TECTA: variants seen among roughly 807,000 people sequenced by gnomAD.
TECTA encodes tectorin alpha.
Under a neutral mutation model 216.8 loss-of-function variants are expected in TECTA, and 128 were observed. The ratio of observed to expected loss-of-function variants is 0.59; its 90% confidence interval spans 0.51 to 0.68. The LOEUF is 0.68. Among genes scored for constraint, TECTA ranks in the 30% least tolerant of loss-of-function variants. The pLI is 0.00. For missense variants in TECTA, 2,551 were observed against 2,786.2 expected, an observed-to-expected ratio of 0.92 and a Z score of 1.90; for synonymous variants, 1,089 against 1,117.1, an observed-to-expected ratio of 0.97 and a Z score of 0.50.
Position 121,188,110 on chromosome 11 carries a change from G to A in TECTA, c.6162+116G>A, listed in dbSNP as rs1355838488. On this transcript the variant is annotated intron_variant, in intron 21 of 23. Transcript: ENST00000392793. Reference sequence around the variant, plus strand: ...CTGGAATCATCCATAGATGCTTGGGGTGGACAGTCATCTTTGATGGGACAG... The same window carrying A: ...CTGGAATCATCCATAGATGCTTGGGATGGACAGTCATCTTTGATGGGACAG... The A allele has an allele frequency of 4.5e-6, 5 of 1,101,962 alleles. No homozygotes were observed. The African/African-American group carries it at 6.2e-5, about 14-fold the overall frequency. The allele number at this position is 1,101,962 out of a possible 1,614,324, so 68.3% of individuals were successfully genotyped here.
intron 18 of TECTA, among the ~76,000 whole-genome samples, chr11:121,167,243 C>T (rs998679350): frequency 5.3e-5 from 8 of 152,192 alleles, no homozygotes; most frequent in Middle Eastern, 3.2e-3. Flanking sequence ...CCGGCCCAGG[C>T]AACATCGCAA....
intron 20 of TECTA, among the ~76,000 whole-genome samples, chr11:121,183,837 G>C (rs561266310): frequency 1.3e-5 from 2 of 152,342 alleles, no homozygotes; most frequent in African/African-American, 2.4e-5. Context: ...GCCCAGGCTA[G>C]AGTGTGGTTG....
At chr11:121,126,163 A>C (rs1946610386) in intron 8 of TECTA, among the ~76,000 whole-genome samples, 1 of 152,172 alleles carries the variant, frequency 6.6e-6, no homozygotes, top group Admixed American at 6.5e-5. Flanking sequence ...TTGAGTGAGG[A>C]GGTGGGTTGT....
chr11:121,133,030 C>T (rs531591565), intron 10 of TECTA, among the ~76,000 whole-genome samples: 1 of 152,298 alleles, frequency 6.6e-6, no homozygotes, highest in South Asian at 2.1e-4. Flanking sequence ...CCACGCCCGG[C>T]CAGTTTTCCA....
rs775090525 is a variant in TECTA at position 121,166,588 on chromosome 11, C to T, written c.5394C>T (p.Asp1798=). The T allele has an allele frequency of 1.4e-5, 22 of 1,614,024 alleles. 1 individual carries two copies. The Admixed American group carries it at 3.3e-4, about 24-fold the overall frequency. ...EPPPYGNNSH[D]IIDAEVTCKA... Reference sequence around the variant, plus strand: ...TAACTGTTCCCACAGACTCACATGACATTATCGATGCAGAGGTGACCTGCA... The same window carrying T: ...TAACTGTTCCCACAGACTCACATGATATTATCGATGCAGAGGTGACCTGCA... The change falls in exon 18 of 24, where the codon GAC becomes GAT. Residue 1798 remains aspartate, a synonymous_variant. Coordinates refer to ENST00000392793, the MANE Select transcript of TECTA (RefSeq NM_005422.4).
chr11:121,145,951 T>A lies in TECTA; in HGVS notation c.3940T>A (p.Cys1314Ser), dbSNP rs767018367. The A allele has an allele frequency of 6.2e-6, 10 of 1,614,258 alleles. No homozygotes were observed. The highest frequency in any genetic ancestry group is 7.6e-6 in the Non-Finnish European group (9 of 1,180,046). ...IPNQNAAFSK[C>S]HSKVNPTFFY... is the part of the protein sequence containing the mutation. ...CAACCAGAACGCTGCCTTCTCCAAGTGTCACAGCAAAGTTAACCCCACCTT... is the reference window on the plus strand; with the variant it reads ...CAACCAGAACGCTGCCTTCTCCAAGAGTCACAGCAAAGTTAACCCCACCTT... The change falls in exon 12 of 24, where the codon TGT becomes AGT. Residue 1314 changes from cysteine to serine, a missense_variant. Transcript: ENST00000392793.
chr11:121,149,967 G>T (rs1946874337), intron 12 of TECTA, among the ~76,000 whole-genome samples: 1 of 152,178 alleles, frequency 6.6e-6, no homozygotes, highest in Non-Finnish European at 1.5e-5. Flanking sequence ...GTGAAACGTG[G>T]TGTTTATCAT....
At chr11:121,102,878 G>T (rs567656439) in intron 2 of TECTA, 149 bp downstream of exon 2, 15 of 764,566 alleles carry the variant, frequency 2.0e-5, no homozygotes, top group Middle Eastern at 2.4e-4. Flanking sequence ...ATTATCAAGG[G>T]TAAAATTCAT....
intron 15 of TECTA, among the ~76,000 whole-genome samples, chr11:121,160,811 C>T (rs2135123826): frequency 6.6e-6 from 1 of 152,236 alleles, no homozygotes; most frequent in Middle Eastern, 3.4e-3. Flanking sequence ...AATGCTGGGT[C>T]TAATTGTGTG....
chr11:121,135,017 G>A (rs1337995641), intron 10 of TECTA, among the ~76,000 whole-genome samples: 1 of 152,188 alleles, frequency 6.6e-6, no homozygotes, highest in Non-Finnish European at 1.5e-5. Flanking sequence ...CTTGGGCTGA[G>A]GGCCAGGGCT....
chr11:121,126,384 C>A (rs1456950096), intron 8 of TECTA, among the ~76,000 whole-genome samples: 2 of 152,184 alleles, frequency 1.3e-5, no homozygotes, highest in Non-Finnish European at 2.9e-5. Context: ...TAAAGAAGCC[C>A]TTTTTCTTAA....
chr11:121,169,023 C>A, intron 20 of TECTA, 98 bp downstream of exon 20: 1 of 1,595,316 alleles, frequency 6.3e-7, no homozygotes, highest in Non-Finnish European at 8.6e-7. Context: ...TATTTGTTGG[C>A]TGCCTACAAG....
In TECTA at chr11:121,168,664, G is replaced by A; in HGVS notation, c.5751-13G>A. On this transcript the variant is annotated splice_polypyrimidine_tract_variant and intron_variant, in intron 19 of 23. Coordinates refer to ENST00000392793, the MANE Select transcript of TECTA (RefSeq NM_005422.4). Reference sequence around the variant, plus strand: ...TGTTTTGGATTCCTGTCTCATAATTGTTTCCGTTTTAGTGTAATTAACCTG... The same window carrying A: ...TGTTTTGGATTCCTGTCTCATAATTATTTCCGTTTTAGTGTAATTAACCTG... 3 of 1,614,030 alleles carry A rather than the reference G, an allele frequency of 1.9e-6. No homozygotes were observed. Among genetic ancestry groups the A allele is most frequent in the Non-Finnish European group, 2.5e-6 (3 of 1,179,966 alleles).
intron 10 of TECTA, among the ~76,000 whole-genome samples, chr11:121,131,535 T>G (rs1457849383): frequency 6.6e-6 from 1 of 152,214 alleles, no homozygotes; most frequent in Non-Finnish European, 1.5e-5. Context: ...AACATAATCA[T>G]TAAAATCAGG....
chr11:121,128,575 G>A (rs773383809), intron 9 of TECTA, among the ~76,000 whole-genome samples: 2 of 152,196 alleles, frequency 1.3e-5, no homozygotes, highest in Non-Finnish European at 2.9e-5. Flanking sequence ...CTAGCTCTCC[G>A]GAATAGCAAA....
At chr11:121,187,684 T>A in intron 20 of TECTA, 148 bp from the exon 21 acceptor site, 1 of 652,258 alleles carries the variant, frequency 1.5e-6, no homozygotes, top group Non-Finnish European at 2.6e-6. Flanking sequence ...GACAAGCCCA[T>A]GCAGTCCAGG....
intron 7 of TECTA, among the ~76,000 whole-genome samples, chr11:121,119,282 G>A (rs542536664): frequency 7.9e-5 from 12 of 152,238 alleles, no homozygotes; most frequent in African/African-American, 2.9e-4. Flanking sequence ...GCAGGCACCT[G>A]GATTGGCTTT....
intron 23 of TECTA, chr11:121,190,108 G>C: frequency 1.9e-6 from 1 of 533,686 alleles, no homozygotes; most frequent in Admixed American, 3.2e-5. Context: ...AAAATATAAA[G>C]GTAATTTAAA....
In TECTA at chr11:121,125,595, C is replaced by T. The variant is rs751589941; in HGVS notation, c.1497C>T (p.Cys499=). 9 of 1,613,772 alleles carry T rather than the reference C, an allele frequency of 5.6e-6. 1 individual carries two copies. Among genetic ancestry groups the T allele is most frequent in the Admixed American group, 3.3e-5 (2 of 60,010 alleles). ...SWRVYHADWK[C]DSGCVDNCTQ... Reference sequence around the variant, plus strand: ...GTGTGTACCACGCAGACTGGAAGTGCGACTCCGGCTGCGTCGACAACTGCA... The same window carrying T: ...GTGTGTACCACGCAGACTGGAAGTGTGACTCCGGCTGCGTCGACAACTGCA... Residue 499 remains cysteine, a synonymous_variant, in exon 8 of 24, where the codon TGC becomes TGT. Coordinates refer to ENST00000392793, the MANE Select transcript of TECTA (RefSeq NM_005422.4).
Sources: gnomAD v4.1 joint callset for allele counts (sites outside exome capture counted in the v4.1 genomes callset) on GRCh38, gnomAD v4.1.1 for gene constraint, MANE v1.5 for transcripts, NCBI Gene and HGNC (gene_info 2026-07-23, HGNC 2026-07-21) for gene names.